The following MDN1 variants were observed in gnomAD, a reference collection of about 807,000 sequenced individuals.
MDN1 encodes the protein midasin AAA ATPase 1, also known as midasin.
MDN1 carries 266 observed loss-of-function variants against 669.2 expected under a neutral mutation model. The ratio of observed to expected loss-of-function variants is 0.40; its 90% confidence interval spans 0.36 to 0.44. The LOEUF (loss-of-function observed/expected upper bound fraction) is 0.44. Ranked by LOEUF, MDN1 falls within the 20% of genes least tolerant of loss-of-function variation. The probability of loss-of-function intolerance (pLI) is 1.00; values close to 1 mark genes in which losing one functional copy is unlikely to be tolerated. For synonymous variants in MDN1, 2,385 were observed against 2,457.1 expected, an observed-to-expected ratio of 0.97 and a Z score of 0.87; for missense variants, 5,940 against 6,754.0, an observed-to-expected ratio of 0.88 and a Z score of 4.22.
chr6:89,732,489 G>C, intron 34 of MDN1, 68 bp downstream of exon 34: 1 of 1,374,590 alleles, frequency 7.3e-7, no homozygotes, highest in Non-Finnish European at 1.0e-6. Context: ...TCAGAGGCCT[G>C]GGCTTGCTCC....
chr6:89,678,756 A>T lies in MDN1; in HGVS notation c.12266-11T>A. On this transcript the variant is annotated splice_polypyrimidine_tract_variant and intron_variant, in intron 74 of 101. Coordinates refer to ENST00000369393, the MANE Select transcript of MDN1 (RefSeq NM_014611.3). ...AGGAAATCACTTCACCTGTAAGGGA[A>T]AACAAGGCGGGGAGGGGAGACAATA... 1 of 1,606,544 alleles carries T rather than the reference A, an allele frequency of 6.2e-7. No individual in the cohort carries two copies. Among genetic ancestry groups the T allele is most frequent in the South Asian group, 1.1e-5 (1 of 90,002 alleles).
At chr6:89,722,889 C>A in intron 40 of MDN1, 66 bp downstream of exon 40, 4 of 1,414,354 alleles carry the variant, frequency 2.8e-6, no homozygotes, top group Non-Finnish European at 3.9e-6. Flanking sequence ...AGTGTATGTC[C>A]TTTCTCACCC....
intron 79 of MDN1, 48 bp from the exon 80 acceptor site, chr6:89,673,510 A>AT (rs781752469): frequency 6.7e-7 from 1 of 1,496,718 alleles, no homozygotes; most frequent in South Asian, 1.1e-5. Flanking sequence ...TACAGTTCCC[A>AT]CAAACACACA....
At chr6:89,665,706 CA>C (rs61352567) in intron 84 of MDN1, among the ~76,000 whole-genome samples, 4,670 of 125,736 alleles carry the variant, frequency 0.037, 56 homozygotes, top group Non-Finnish European at 0.057. Context: ...GACTCCGTTT[CA>C]AAAAAAAAAA....
At chr6:89,666,973 T>C (rs1810296805) in intron 84 of MDN1, among the ~76,000 whole-genome samples, 1 of 152,246 alleles carries the variant, frequency 6.6e-6, no homozygotes, top group African/African-American at 2.4e-5. Context: ...AATAATGCTG[T>C]AGTAAATATC....
chr6:89,752,133 A>G (rs1244813637), intron 22 of MDN1, among the ~76,000 whole-genome samples: 1 of 152,204 alleles, frequency 6.6e-6, no homozygotes, highest in South Asian at 2.1e-4. Flanking sequence ...AAAATGGTTA[A>G]ATGGTGGTCA....
chr6:89,663,866 C>T (rs1809988569), intron 85 of MDN1, among the ~76,000 whole-genome samples: 2 of 151,130 alleles, frequency 1.3e-5, no homozygotes, highest in East Asian at 1.9e-4. Flanking sequence ...GGCGTGAACC[C>T]GAGAGGTGGA....
chr6:89,817,044 T>C (rs542202907), intron 1 of MDN1, among the ~76,000 whole-genome samples: 5 of 152,260 alleles, frequency 3.3e-5, no homozygotes, highest in African/African-American at 9.6e-5. Flanking sequence ...TCTCACCCAA[T>C]TGCCAGTCAG....
intron 17 of MDN1, among the ~76,000 whole-genome samples, chr6:89,761,250 T>C (rs1232992895): frequency 6.6e-6 from 1 of 152,198 alleles, no homozygotes; most frequent in East Asian, 1.9e-4. Context: ...TTGCATAGCA[T>C]GGCGACCATG....
chr6:89,706,749 T>A (rs1243911258), intron 52 of MDN1, among the ~76,000 whole-genome samples: 1 of 152,102 alleles, frequency 6.6e-6, no homozygotes, highest in South Asian at 2.1e-4. Flanking sequence ...AAGAAAAAAA[T>A]GTATATTTTA....
intron 8 of MDN1, among the ~76,000 whole-genome samples, chr6:89,786,137 T>C (rs570743634): frequency 2.0e-5 from 3 of 152,066 alleles, no homozygotes; most frequent in Non-Finnish European, 4.4e-5. Flanking sequence ...TGCGTGCCTG[T>C]AGTCCCAGAT....
chr6:89,666,249 C>T (rs980723621), intron 84 of MDN1, among the ~76,000 whole-genome samples: 3 of 152,146 alleles, frequency 2.0e-5, no homozygotes, highest in Admixed American at 1.3e-4. Context: ...GCTTTACAGA[C>T]TTATGCAATC....
At chr6:89,717,229 C>T (rs774473776) in intron 43 of MDN1, among the ~76,000 whole-genome samples, 6 of 152,140 alleles carry the variant, frequency 3.9e-5, no homozygotes, top group African/African-American at 9.7e-5. Flanking sequence ...TAATTACTTG[C>T]CAAATGCTTT....
At chr6:89,767,081 T>C (rs1365942806) in intron 15 of MDN1, among the ~76,000 whole-genome samples, 1 of 152,152 alleles carries the variant, frequency 6.6e-6, no homozygotes, top group East Asian at 1.9e-4. Flanking sequence ...AGACTTTCTC[T>C]TTCTGGAGTG....
At chr6:89,819,255 G>C (rs1769089826) in intron 1 of MDN1, among the ~76,000 whole-genome samples, 1 of 152,178 alleles carries the variant, frequency 6.6e-6, no homozygotes, top group Admixed American at 6.5e-5. Flanking sequence ...CAAAGCGCTT[G>C]CATAGGGGTG....
chr6:89,686,959 A>C lies in MDN1; in HGVS notation c.11515T>G (p.Phe3839Val), dbSNP rs1438662066. 6.2e-7 allele frequency: 1 copy of C among 1,613,596 alleles called. No homozygotes were observed. The highest frequency in any genetic ancestry group is 8.5e-7 in the Non-Finnish European group (1 of 1,179,914). Residue 3839 changes from phenylalanine (F) to valine (V), a missense_variant, in exon 69 of 102, where the codon TTC (phenylalanine) becomes GTC (valine). Physicochemically the swap from Phe to Val is conservative, Grantham distance 50 (BLOSUM62 -1). Around this residue, in one of 5 missense-constraint regions of MDN1, gnomAD observed 2,280 missense variants for 2,576.3 expected, o/e 0.88. Transcript: ENST00000369393. ...TTCTCAAGCATCTGATAGATGGAGA[A>C]CCAGTGCTTGGTGGATTTCTCGGTG... is the stretch of plus-strand genomic sequence containing the variant. ...RHTEKSTKHW[F>V]SIYQMLEKHM...
chr6:89,687,742 G>A (rs546793807), intron 67 of MDN1, among the ~76,000 whole-genome samples: 2 of 152,278 alleles, frequency 1.3e-5, no homozygotes, highest in East Asian at 3.9e-4. Context: ...TGTCCAATGG[G>A]GAGGCAACAG....
chr6:89,783,650 C>A (rs1461252424), intron 9 of MDN1, among the ~76,000 whole-genome samples: 1 of 152,114 alleles, frequency 6.6e-6, no homozygotes, highest in African/African-American at 2.4e-5. Flanking sequence ...TTCTTACACC[C>A]CCTCCCCTTT....
In MDN1 at chr6:89,696,510, C is replaced by T. The variant is rs1562103649; in HGVS notation, c.9233G>A (p.Trp3078Ter). Reference sequence around the variant, plus strand: ...ACTCACATCCCAGGGACTTGCTCTCCAGCTGCTGGTTAAGACTTCAAAGCA... The same window carrying T: ...ACTCACATCCCAGGGACTTGCTCTCTAGCTGCTGGTTAAGACTTCAAAGCA... ...KCCFEVLTSSWRASPWDVSGL... is the reference protein window; with the variant it reads ...KCCFEVLTSS The change falls in exon 60 of 102, where the codon TGG (tryptophan) becomes TAG (stop). Residue 3078 changes from tryptophan to a stop codon, truncating the protein, a stop_gained. Coordinates refer to ENST00000369393, the MANE Select transcript of MDN1 (RefSeq NM_014611.3). LOFTEE classifies it high-confidence loss of function. The T allele has an allele frequency of 1.9e-6, 3 of 1,614,200 alleles. No homozygotes were observed. Among genetic ancestry groups the T allele is most frequent in the East Asian group, 2.2e-5 (1 of 44,888 alleles).
Sources: allele counts gnomAD v4.1 joint callset (sites outside exome capture counted in the v4.1 genomes callset), GRCh38; gene constraint gnomAD v4.1.1; regional missense constraint gnomAD v4.1.1; transcripts MANE v1.5; gene names NCBI Gene and HGNC (gene_info 2026-07-23, HGNC 2026-07-21).